The following KCNJ12 variants were observed in gnomAD, a reference collection of about 807,000 sequenced individuals.
KCNJ12 encodes ATP-sensitive inward rectifier potassium channel 12.
In KCNJ12, 2 loss-of-function variants were observed where a neutral mutation model predicts 22.3. That is an observed-to-expected ratio of 0.09 (90% confidence interval 0.04 to 0.28). The LOEUF (loss-of-function observed/expected upper bound fraction) is 0.28. Among genes scored for constraint, KCNJ12 ranks in the 10% least tolerant of loss-of-function variants. KCNJ12 has a pLI of 1.00. For synonymous variants in KCNJ12, 117 were observed against 261.4 expected, an observed-to-expected ratio of 0.45 and a Z score of 5.33; for missense variants, 155 against 633.3, an observed-to-expected ratio of 0.24 and a Z score of 8.11.
At chr17:21,383,811 A>C (rs1158287601) in intron 1 of KCNJ12, among the ~76,000 whole-genome samples, 1 of 152,152 alleles carries the variant, frequency 6.6e-6, no homozygotes, top group Non-Finnish European at 1.5e-5. Flanking sequence ...TGGCCTGCAC[A>C]AGACCCCTGC....
chr17:21,385,735 C>T (rs1051370841), intron 1 of KCNJ12, among the ~76,000 whole-genome samples: 3 of 152,252 alleles, frequency 2.0e-5, no homozygotes, highest in African/African-American at 7.2e-5. Flanking sequence ...CTCCATCCCA[C>T]GGTAGATGCC....
intron 1 of KCNJ12, among the ~76,000 whole-genome samples, chr17:21,381,004 G>A (rs1904846311): frequency 6.6e-6 from 1 of 152,218 alleles, no homozygotes; most frequent in African/African-American, 2.4e-5. Flanking sequence ...CCCCCGCCCA[G>A]CCCTCTAATT....
chr17:21,386,003 C>T (rs558599305), intron 1 of KCNJ12, among the ~76,000 whole-genome samples: 1 of 152,252 alleles, frequency 6.6e-6, no homozygotes, highest in African/African-American at 2.4e-5. Flanking sequence ...AGTCTGGCAG[C>T]ACCACCAACC....
intron 1 of KCNJ12, among the ~76,000 whole-genome samples, chr17:21,380,129 T>TC (rs1257000502): frequency 1.3e-5 from 2 of 152,078 alleles, no homozygotes; most frequent in Non-Finnish European, 2.9e-5. Context: ...ACCAGGCAGG[T>TC]CCCACACAGG....
At chr17:21,401,578 T>C (rs1324387924) in intron 1 of KCNJ12, among the ~76,000 whole-genome samples, 5 of 152,168 alleles carry the variant, frequency 3.3e-5, no homozygotes, top group Non-Finnish European at 2.9e-5. Context: ...CTATGGGGCC[T>C]CTCATTTGAC....
rs1421273126 is a variant in KCNJ12, at chr17:21,416,828, C to T, written c.*184C>T. The T allele has an allele frequency of 8.5e-5, 90 of 1,055,502 alleles. No individual in the cohort carries two copies. The highest frequency in any genetic ancestry group is 1.2e-4 in the South Asian group (7 of 56,926). The allele number at this position is 1,055,502 out of a possible 1,614,324, so 65.4% of individuals were successfully genotyped here. ...TTGGCCGGAGAGGGGGCAGCCAGAG[C>T]GGCAGCCCCCGGCCTCAGAGGCTAT... On this transcript the variant is annotated 3_prime_UTR_variant, in exon 3 of 3. Coordinates refer to ENST00000583088, the MANE Select transcript of KCNJ12 (RefSeq NM_021012.5).
rs1905766760 is a variant in KCNJ12, at chr17:21,403,723, G to C, written c.-178-4796G>C. ...GCTGTGATGAAGGGAGAGGGTGGGAGGACAGGGAGTTCCCAGCTGGCCAGT... is the reference window on the plus strand; with the variant it reads ...GCTGTGATGAAGGGAGAGGGTGGGACGACAGGGAGTTCCCAGCTGGCCAGT... On this transcript the variant is annotated intron_variant, in intron 1 of 2. Transcript: ENST00000583088. Among the ~76,000 whole-genome samples, 5 of 152,184 alleles carry C rather than the reference G, an allele frequency of 3.3e-5. No individual in the cohort carries two copies. The South Asian group carries it at 1.0e-3, about 32-fold the overall frequency.
At chr17:21,379,427 T>G (rs1050487390) in intron 1 of KCNJ12, among the ~76,000 whole-genome samples, 3 of 152,210 alleles carry the variant, frequency 2.0e-5, no homozygotes, top group Non-Finnish European at 4.4e-5. Flanking sequence ...GGCCCAGCTC[T>G]GGGCTGGGCC....
At chr17:21,378,557 A>T (rs1904754111) in intron 1 of KCNJ12, among the ~76,000 whole-genome samples, 1 of 152,062 alleles carries the variant, frequency 6.6e-6, no homozygotes, top group African/African-American at 2.4e-5. Context: ...CACTCACTCG[A>T]GCACCCTGGA....
intron 1 of KCNJ12, among the ~76,000 whole-genome samples, chr17:21,382,628 G>A (rs1904908667): frequency 6.6e-6 from 1 of 152,188 alleles, no homozygotes; most frequent in Non-Finnish European, 1.5e-5. Flanking sequence ...CTTTCTGCTT[G>A]CCTGAGCACT....
At chr17:21,382,315 A>G (rs1344948068) in intron 1 of KCNJ12, among the ~76,000 whole-genome samples, 3 of 152,070 alleles carry the variant, frequency 2.0e-5, no homozygotes, top group Non-Finnish European at 2.9e-5. Context: ...GGGGCCTCTC[A>G]TATCTCAGCT....
intron 1 of KCNJ12, among the ~76,000 whole-genome samples, chr17:21,386,569 G>A (rs775794890): frequency 4.9e-4 from 74 of 152,010 alleles, no homozygotes; most frequent in Non-Finnish European, 8.2e-4. Flanking sequence ...GTGCAGTGGC[G>A]TGATCTCGGC....
chr17:21,383,392 G>A (rs927308448), intron 1 of KCNJ12, among the ~76,000 whole-genome samples: 3 of 152,218 alleles, frequency 2.0e-5, no homozygotes, highest in Admixed American at 6.5e-5. Context: ...TTCAGGGCTG[G>A]GGGGCGCCGA....
At chr17:21,388,223 C>T (rs1380872205) in intron 1 of KCNJ12, among the ~76,000 whole-genome samples, 1 of 152,188 alleles carries the variant, frequency 6.6e-6, no homozygotes, top group Non-Finnish European at 1.5e-5. Context: ...ACATGCCAGC[C>T]CTCTGTCATC....
At position 21,416,991 on chromosome 17, in the gene KCNJ12, G is replaced by T; in HGVS notation, c.*347G>T. Reference sequence around the variant, plus strand: ...GCCCAGCCTCTGCTGTCCAAGGCTGGCTAGCTGCGGTGCTCCTTGCTGGTT... The same window carrying T: ...GCCCAGCCTCTGCTGTCCAAGGCTGTCTAGCTGCGGTGCTCCTTGCTGGTT... On this transcript the variant is annotated 3_prime_UTR_variant, in exon 3 of 3. Transcript: ENST00000583088. 2.6e-6 allele frequency: 1 copy of T among 385,432 alleles called. No homozygotes were observed. Among genetic ancestry groups the T allele is most frequent in the Non-Finnish European group, 4.8e-6 (1 of 206,778 alleles). The allele number at this position is 385,432 out of a possible 1,614,324, so 23.9% of individuals were successfully genotyped here. A position where few individuals can be genotyped will look rare whatever the true frequency, so the allele number is the denominator to read the frequency against.
intron 1 of KCNJ12, among the ~76,000 whole-genome samples, chr17:21,380,621 G>A (rs1555557807): frequency 2.0e-5 from 3 of 152,134 alleles, no homozygotes. Flanking sequence ...GGTGGGGAGG[G>A]GCTGGTCTCA....
At chr17:21,389,116 C>T (rs1192166674) in intron 1 of KCNJ12, among the ~76,000 whole-genome samples, 2 of 152,214 alleles carry the variant, frequency 1.3e-5, no homozygotes, top group African/African-American at 2.4e-5. Flanking sequence ...GGGAGCTTGC[C>T]TGGCCAGGTG....
intron 1 of KCNJ12, among the ~76,000 whole-genome samples, chr17:21,405,848 C>G (rs77938164): frequency 7.2e-5 from 11 of 152,422 alleles, no homozygotes; most frequent in South Asian, 6.2e-4. Flanking sequence ...TTTGCAGGGT[C>G]CTGCCCTGCA....
chr17:21,394,777 G>A (rs909569820), intron 1 of KCNJ12, among the ~76,000 whole-genome samples: 5 of 152,212 alleles, frequency 3.3e-5, no homozygotes, highest in African/African-American at 9.7e-5. Flanking sequence ...CCGGCCTGGC[G>A]TAAGGCGTTG....
Sources: gnomAD v4.1 joint callset for allele counts (sites outside exome capture counted in the v4.1 genomes callset) on GRCh38, gnomAD v4.1.1 for gene constraint, MANE v1.5 for transcripts, NCBI Gene and HGNC (gene_info 2026-07-23, HGNC 2026-07-21) for gene names.